BEX2: variants seen among roughly 807,000 people sequenced by gnomAD.
BEX2 encodes the protein protein BEX2.
BEX2 carries 2 observed loss-of-function variants against 4.1 expected under a neutral mutation model. That is an observed-to-expected ratio of 0.49 (90% CI 0.20 to 1.53). The LOEUF (loss-of-function observed/expected upper bound fraction) is 1.53. BEX2 is among the 40% of genes most tolerant of loss of function. The pLI, the probability that BEX2 is intolerant of heterozygous loss-of-function variation, is 0.23. For missense variants in BEX2, 94 were observed against 99.9 expected (o/e 0.94, Z 0.25); for synonymous variants, 34 against 35.9 (o/e 0.95, Z 0.19).
intron 2 of BEX2, 97 bp from the exon 3 acceptor site, chrX:103,310,078 G>C: frequency 1.0e-6 from 1 of 986,987 alleles, no homozygotes. Context: ...CAGAGCCCTG[G>C]ATTTCAAAGG....
intron 1 of BEX2, 184 bp from the exon 2 acceptor site, chrX:103,310,617 G>T: frequency 1.7e-6 from 2 of 1,155,936 alleles, no homozygotes; most frequent in South Asian, 1.9e-5. Flanking sequence ...CGGAGCAGGG[G>T]TGTTGGAAAA....
At chrX:103,310,773 CTCCGCGCTGCTGCCCGGGGATGGGGCA>C (rs1350720535) in intron 1 of BEX2, 60 bp downstream of exon 1, 2 of 510,696 alleles carry the variant, frequency 3.9e-6, no homozygotes, top group Non-Finnish European at 6.0e-6. Flanking sequence ...CCGGCTGCGT[CTCCGCGCTGCTGCCCGGGGATGGGGCA>C]TCCGCAGGCC....
Position 103,309,409 on chromosome X carries a change from A to G in BEX2, c.*181T>C. ...ATGAGCATCTTTCCATGCAATAGGT[A>G]AAACTCTCCTGCTGACAGAAACTTA... is the stretch of plus-strand genomic sequence containing the variant. On this transcript the variant is annotated 3_prime_UTR_variant, in exon 3 of 3. Transcript: ENST00000372677. 3.1e-6 allele frequency: 2 copies of G among 655,067 alleles called. No homozygotes were observed. Among genetic ancestry groups the G allele is most frequent in the Non-Finnish European group, 4.5e-6 (2 of 447,362 alleles). 54.0% of individuals were successfully genotyped at this position (655,067 alleles called of 1,213,427 possible).
At position 103,310,442 on chromosome X, in the gene BEX2, G is replaced by A. The variant is rs1378637987; in HGVS notation, c.-81-9C>T. ...CACTTGGCCCCGCAAACCTGCAGACGGCCGGGGTGGGAAGAGTGGGGGCTG... is the reference window on the plus strand; with the variant it reads ...CACTTGGCCCCGCAAACCTGCAGACAGCCGGGGTGGGAAGAGTGGGGGCTG... On this transcript the variant is annotated splice_polypyrimidine_tract_variant and intron_variant, in intron 1 of 2. Transcript: ENST00000372677. 16 of 1,156,310 alleles carry A rather than the reference G, an allele frequency of 1.4e-5. No homozygotes were observed. The highest frequency in any genetic ancestry group is 2.6e-5 in the Admixed American group (1 of 38,803).
Position 103,309,992 on chromosome X carries a change from G to A in BEX2, c.-5-11C>T. 1 of 1,187,642 alleles carries A rather than the reference G, an allele frequency of 8.4e-7. No individual in the cohort carries two copies. The highest frequency in any genetic ancestry group is 1.9e-5 in the South Asian group (1 of 52,025). ...TGGACTCCATTACTCCTAGGAGACA[G>A]AGAGAAAATGGACTCAATTCTTGGT... On this transcript the variant is annotated splice_polypyrimidine_tract_variant and intron_variant, in intron 2 of 2. Transcript: ENST00000372677.
chrX:103,309,509 G>T lies in BEX2; in HGVS notation c.*81C>A. ...CACAAGAAATAGGTAACATCAAAAC[G>T]TTTACGACAAAGGTACACCACAAAT... On this transcript the variant is annotated 3_prime_UTR_variant, in exon 3 of 3. Transcript: ENST00000372677. 1 of 1,147,984 alleles carries T rather than the reference G, an allele frequency of 8.7e-7. No individual in the cohort carries two copies. Among genetic ancestry groups the T allele is most frequent in the South Asian group, 2.1e-5 (1 of 47,578 alleles). The allele number at this position is 1,147,984 out of a possible 1,213,427, so 94.6% of individuals were successfully genotyped here. A position where few individuals can be genotyped will look rare whatever the true frequency, so the allele number is the denominator to read the frequency against.
intron 1 of BEX2, 27 bp from the exon 2 acceptor site, chrX:103,310,460 G>T (rs1385371425): frequency 1.7e-6 from 2 of 1,154,855 alleles, no homozygotes; most frequent in Admixed American, 2.6e-5. Context: ...TGGGAAGAGT[G>T]GGGGCTGCTG....
In BEX2 at chrX:103,310,970, C is replaced by T; in HGVS notation, c.-192G>A. The T allele has an allele frequency of 5.6e-6, 1 of 179,073 alleles. No homozygotes were observed. The highest frequency in any genetic ancestry group is 3.0e-5 in the African/African-American group (1 of 32,970). The allele number at this position is 179,073 out of a possible 1,213,427, so 14.8% of individuals were successfully genotyped here. A position where few individuals can be genotyped will look rare whatever the true frequency, so the allele number is the denominator to read the frequency against. ...AGGGAGCGAGCGACGGCGGTTCTGACGCCACAACGAGGTAAGACTCAGTGT... is the reference window on the plus strand; with the variant it reads ...AGGGAGCGAGCGACGGCGGTTCTGATGCCACAACGAGGTAAGACTCAGTGT... On this transcript the variant is annotated 5_prime_UTR_variant, in exon 1 of 3. Transcript: ENST00000372677.
Position 103,309,921 on chromosome X carries a change from T to A in BEX2, c.56A>T (p.Gln19Leu). Reference sequence around the variant, plus strand: ...CTTTTCATCTTTTTCATCATTTTCCTGGTTGACATTTTCCACGATGAGATT... The same window carrying A: ...CTTTTCATCTTTTTCATCATTTTCCAGGTTGACATTTTCCACGATGAGATT... Reference protein sequence around the residue: ...LNNLIVENVNQENDEKDEKEQ... With the variant: ...LNNLIVENVNLENDEKDEKEQ... Residue 19 changes from glutamine (Q) to leucine (L), a missense_variant, in exon 3 of 3, where the codon CAG becomes CTG. Transcript: ENST00000372677. 8.3e-7 allele frequency: 1 copy of A among 1,211,278 alleles called. No individual in the cohort carries two copies. The highest frequency in any genetic ancestry group is 1.7e-5 in the African/African-American group (1 of 57,731).
intron 2 of BEX2, 120 bp downstream of exon 2, chrX:103,310,238 G>A: frequency 2.4e-6 from 2 of 847,764 alleles, no homozygotes; most frequent in Non-Finnish European, 3.2e-6. Flanking sequence ...CAAAATGGAG[G>A]ACGAAGAAGG....
At chrX:103,310,223 G>T in intron 2 of BEX2, 135 bp downstream of exon 2, 1 of 798,510 alleles carries the variant, frequency 1.3e-6, no homozygotes, top group Non-Finnish European at 1.7e-6. Context: ...GGCCTCTGCA[G>T]GCACCAAAAT....
Position 103,309,861 on chromosome X carries a change from A to G in BEX2, c.116T>C (p.Leu39Pro), listed in dbSNP as rs752811894. The change falls in exon 3 of 3, where the codon CTA becomes CCA. Residue 39 changes from leucine (L) to proline (P), a missense_variant. Transcript: ENST00000372677. The stretch of plus-strand genomic sequence containing the variant: ...ACAGTATTCACTAACATTCAAAGGT[A>G]GGGCCAAGGGCTCCCCTTTATTAGC... ...QVANKGEPLA[L>P]PLNVSEYCVP... 3 of 1,211,977 alleles carry G rather than the reference A, an allele frequency of 2.5e-6. No individual in the cohort carries two copies. The Admixed American group carries it at 6.5e-5, about 26-fold the overall frequency.
chrX:103,310,490 ACCCGCCGCCACCCGGCCCCTTC>A (rs1926166787), intron 1 of BEX2, 57 bp from the exon 2 acceptor site: 10 of 1,142,369 alleles, frequency 8.8e-6, no homozygotes, highest in Non-Finnish European at 1.2e-5. Context: ...GCTAGAGAGG[ACCCGCCGCCACCCGGCCCCTTC>A]CCCACGCCGG....
At chrX:103,310,484 G>A in intron 1 of BEX2, 51 bp from the exon 2 acceptor site, 2 of 1,150,468 alleles carry the variant, frequency 1.7e-6, no homozygotes, top group Non-Finnish European at 2.3e-6. Context: ...CGGAACGCTA[G>A]AGAGGACCCG....
chrX:103,310,729 G>A (rs1030942787), intron 1 of BEX2, 131 bp downstream of exon 1: 12 of 844,617 alleles, frequency 1.4e-5, no homozygotes, highest in Non-Finnish European at 1.9e-5. Context: ...AAGGCTCGCG[G>A]TCCCGCGGCG....
At chrX:103,310,315 C>A in intron 2 of BEX2, 43 bp downstream of exon 2, 1 of 1,131,754 alleles carries the variant, frequency 8.8e-7, no homozygotes, top group South Asian at 2.0e-5. Context: ...CTGGGCTTTC[C>A]TCATGTTCTG....
Position 103,310,870 on chromosome X carries a change from T to C in BEX2, c.-92A>G, listed in dbSNP as rs868503095. On this transcript the variant is annotated 5_prime_UTR_variant, in exon 1 of 3. Coordinates refer to ENST00000372677, the MANE Select transcript of BEX2 (RefSeq NM_032621.4). The stretch of plus-strand genomic sequence containing the variant: ...CTCCGGGTCCCTTACCTGCTCCCCC[T>C]CCGCTTCCTACTTTCGGGGCCGTAC... 1 of 317,344 alleles carries C rather than the reference T, an allele frequency of 3.2e-6. No homozygotes were observed. Among genetic ancestry groups the C allele is most frequent in the East Asian group, 5.9e-5 (1 of 16,967 alleles). 26.2% of individuals were successfully genotyped at this position (317,344 alleles called of 1,213,427 possible). A position where few individuals can be genotyped will look rare whatever the true frequency, so the allele number is the denominator to read the frequency against.
chrX:103,310,176 C>T (rs1338757548), intron 2 of BEX2, among the ~76,000 whole-genome samples, 182 bp downstream of exon 2: 5 of 110,629 alleles, frequency 4.5e-5, no homozygotes, highest in African/African-American at 1.6e-4. Flanking sequence ...CCTTCTCTCC[C>T]GCAAAGCCCA....
At chrX:103,310,272 T>G (rs1926152496) in intron 2 of BEX2, 86 bp downstream of exon 2, 2 of 997,749 alleles carry the variant, frequency 2.0e-6, no homozygotes, top group Non-Finnish European at 2.7e-6. Context: ...GATTGCTAAG[T>G]GTGGGGGTGA....
Sources: gnomAD v4.1 joint callset for allele counts (sites outside exome capture counted in the v4.1 genomes callset) on GRCh38, gnomAD v4.1.1 for gene constraint, MANE v1.5 for transcripts, NCBI Gene and HGNC (gene_info 2026-07-23, HGNC 2026-07-21) for gene names.